Variants in IKBKE observed in about 807,000 individuals in gnomAD.
The protein encoded by IKBKE is inhibitor of nuclear factor kappa B kinase subunit epsilon, also known as inhibitor of nuclear factor kappa-B kinase subunit epsilon.
A neutral mutation model predicts 92.1 loss-of-function variants in IKBKE; 45 were observed. That is an observed-to-expected ratio of 0.49 (90% CI 0.38 to 0.63). The LOEUF is 0.63. Ranked by LOEUF, IKBKE falls within the 20% of genes least tolerant of loss-of-function variation. The pLI, the probability that IKBKE is intolerant of heterozygous loss-of-function variation, is 0.00. For missense variants in IKBKE, 700 were observed against 932.8 expected, an observed-to-expected ratio of 0.75 and a Z score of 3.25; for synonymous variants, 374 against 380.3, an observed-to-expected ratio of 0.98 and a Z score of 0.19.
intron 4 of IKBKE, 105 bp downstream of exon 4, chr1:206,474,576 G>T: frequency 1.6e-6 from 2 of 1,247,052 alleles, no homozygotes; most frequent in Non-Finnish European, 2.2e-6. Flanking sequence ...CTCATCAGCA[G>T]GTCAGAGACA....
chr1:206,478,097 C>A lies in IKBKE; in HGVS notation c.813-63C>A. ...ATATTCTCTTAGAACGCTCCTATTG[C>A]CTGCTTAAGGAGGATAGGTCTGGGC... On this transcript the variant is annotated intron_variant, in intron 8 of 21. Coordinates refer to ENST00000581977, the MANE Select transcript of IKBKE (RefSeq NM_014002.4). The surrounding 1 kb of genome is among the most constrained non-coding windows in gnomAD (Gnocchi z 4.8). The A allele has an allele frequency of 7.1e-7, 1 of 1,414,568 alleles. No individual in the cohort carries two copies. Among genetic ancestry groups the A allele is most frequent in the Non-Finnish European group, 9.8e-7 (1 of 1,020,872 alleles). 87.6% of individuals were successfully genotyped at this position (1,414,568 alleles called of 1,614,324 possible).
intron 13 of IKBKE, among the ~76,000 whole-genome samples, chr1:206,484,214 C>T (rs1440759867): frequency 1.3e-5 from 2 of 151,962 alleles, no homozygotes; most frequent in Non-Finnish European, 2.9e-5. Context: ...TGATCTCAAA[C>T]TCCTGGTATC....
At chr1:206,472,711 G>A (rs1198624304) in intron 2 of IKBKE, 2 of 197,932 alleles carry the variant, frequency 1.0e-5, no homozygotes, top group African/African-American at 4.8e-5. Context: ...GCGGGGGCTG[G>A]GGGAGTGGCT....
chr1:206,479,145 C>T lies in IKBKE; in HGVS notation c.1183+12C>T, dbSNP rs551560929. On this transcript the variant is annotated intron_variant, in intron 10 of 21. Transcript: ENST00000581977. The stretch of plus-strand genomic sequence containing the variant: ...GGCCTTCAGGGACCGTGAGTAGAGC[C>T]ACCTGGGCTGGATCTTTCTCCTCCC... 9.6e-6 allele frequency: 15 copies of T among 1,566,796 alleles called. No homozygotes were observed. Among genetic ancestry groups the T allele is most frequent in the Non-Finnish European group, 1.3e-5 (15 of 1,156,420 alleles).
chr1:206,492,144 T>C, intron 18 of IKBKE: 1 of 315,144 alleles, frequency 3.2e-6, no homozygotes, highest in East Asian at 8.6e-5. Context: ...CTGGATTCTT[T>C]CTACCGTTCC....
chr1:206,492,663 G>A (rs1040564959), intron 18 of IKBKE: 2 of 499,016 alleles, frequency 4.0e-6, no homozygotes, highest in Admixed American at 2.3e-5. Context: ...AAATGAGAGC[G>A]TGGGCAGTTC....
chr1:206,472,587 T>TCTCACACA (rs139299684), intron 2 of IKBKE, among the ~76,000 whole-genome samples: 19 of 150,094 alleles, frequency 1.3e-4, no homozygotes, highest in African/African-American at 4.2e-4. Flanking sequence ...ACACACACTC[T>TCTCACACA]CACACACACA....
At chr1:206,475,383 T>C (rs1410199058) in intron 5 of IKBKE, among the ~76,000 whole-genome samples, 1 of 152,164 alleles carries the variant, frequency 6.6e-6, no homozygotes, top group Non-Finnish European at 1.5e-5. Flanking sequence ...ACCATGGTGG[T>C]TTCCAGTGGC....
rs1664944102 is a variant in IKBKE at position 206,474,410 on chromosome 1, T to C, written c.167T>C (p.Phe56Ser). The C allele has an allele frequency of 6.2e-7, 1 of 1,614,100 alleles. No individual in the cohort carries two copies. Among genetic ancestry groups the C allele is most frequent in the South Asian group, 1.1e-5 (1 of 91,082 alleles). ...CCCCGCGAGGTGCAGGTGAGGGAGTTTGAGGTCCTGCGGAAGCTGAACCAC... is the reference window on the plus strand; with the variant it reads ...CCCCGCGAGGTGCAGGTGAGGGAGTCTGAGGTCCTGCGGAAGCTGAACCAC... ...LRPREVQVRE[F>S]EVLRKLNHQN... is the part of the protein sequence containing the mutation. The change falls in exon 4 of 22, where the codon TTT becomes TCT. Residue 56 changes from phenylalanine (F) to serine (S), a missense_variant. Physicochemically the swap from Phe to Ser is radical, Grantham distance 155. Transcript: ENST00000581977.
Position 206,474,220 on chromosome 1 carries a change from G to A in IKBKE, c.88-111G>A. 1.0e-5 allele frequency: 11 copies of A among 1,057,912 alleles called. 1 individual carries two copies. The South Asian group carries it at 1.5e-4, about 15-fold the overall frequency. 65.5% of individuals were successfully genotyped at this position (1,057,912 alleles called of 1,614,324 possible). ...CCAACCAGGCTAATCTCTGGGGTTG[G>A]GCTGGCCGGAGAGGCTGAATGGAGG... On this transcript the variant is annotated intron_variant, in intron 3 of 21. Coordinates refer to ENST00000581977, the MANE Select transcript of IKBKE (RefSeq NM_014002.4).
At chr1:206,488,646 G>A (rs1213987249) in intron 16 of IKBKE, among the ~76,000 whole-genome samples, 3 of 152,142 alleles carry the variant, frequency 2.0e-5, no homozygotes, top group Non-Finnish European at 4.4e-5. Flanking sequence ...CTCAGGTTGG[G>A]GAACTAACAC....
chr1:206,483,415 C>T (rs752099418), intron 13 of IKBKE, among the ~76,000 whole-genome samples: 51 of 152,330 alleles, frequency 3.3e-4, no homozygotes, highest in Non-Finnish European at 6.0e-4. Flanking sequence ...CACTCAGTAA[C>T]GCCTTCAGCA....
chr1:206,484,404 G>A (rs1553388023), intron 13 of IKBKE, among the ~76,000 whole-genome samples: 1 of 152,170 alleles, frequency 6.6e-6, no homozygotes, highest in African/African-American at 2.4e-5. Context: ...GTGATGGCCT[G>A]ATTCCTCTGC....
chr1:206,476,873 C>T lies in IKBKE; in HGVS notation c.701+35C>T. On this transcript the variant is annotated intron_variant, in intron 7 of 21. Transcript: ENST00000581977. This position sits in a 1 kb window ranked among gnomAD's most constrained non-coding sequence, Gnocchi z 5.1. Reference sequence around the variant, plus strand: ...GCCACAGGGCAGGGAATGGGGCGGACTGGCAGTCCCCTGGCCCTTCCCCCA... The same window carrying T: ...GCCACAGGGCAGGGAATGGGGCGGATTGGCAGTCCCCTGGCCCTTCCCCCA... The T allele has an allele frequency of 1.2e-6, 2 of 1,611,230 alleles. No homozygotes were observed. The highest frequency in any genetic ancestry group is 1.7e-6 in the Non-Finnish European group (2 of 1,177,750).
chr1:206,485,998 G>A lies in IKBKE; in HGVS notation c.1616+692G>A, dbSNP rs1665637844. ...TCTGCTGGTGCCTACTGTAATCTGGGCCTATCCCCATCCATCATCCCATGG... is the reference window on the plus strand; with the variant it reads ...TCTGCTGGTGCCTACTGTAATCTGGACCTATCCCCATCCATCATCCCATGG... On this transcript the variant is annotated intron_variant, in intron 15 of 21. Transcript: ENST00000581977. This position sits in a 1 kb window ranked among gnomAD's most constrained non-coding sequence, Gnocchi z 5.0. Among the ~76,000 whole-genome samples, 1 of 152,200 alleles carries A rather than the reference G, an allele frequency of 6.6e-6. No homozygotes were observed. The highest frequency in any genetic ancestry group is 6.5e-5 in the Admixed American group (1 of 15,278).
In IKBKE at chr1:206,479,134, G is replaced by A. The variant is rs781999092; in HGVS notation, c.1183+1G>A. ...CCTAAGGGGCTGGCCTTCAGGGACCGTGAGTAGAGCCACCTGGGCTGGATC... is the reference window on the plus strand; with the variant it reads ...CCTAAGGGGCTGGCCTTCAGGGACCATGAGTAGAGCCACCTGGGCTGGATC... On this transcript the variant is annotated splice_donor_variant, in intron 10 of 21. Coordinates refer to ENST00000581977, the MANE Select transcript of IKBKE (RefSeq NM_014002.4). LOFTEE classifies it high-confidence loss of function. 12 of 1,589,086 alleles carry A rather than the reference G, an allele frequency of 7.6e-6. No individual in the cohort carries two copies. Among genetic ancestry groups the A allele is most frequent in the African/African-American group, 4.0e-5 (3 of 74,502 alleles).
chr1:206,473,075 G>C, intron 2 of IKBKE, 121 bp from the exon 3 acceptor site: 1 of 670,998 alleles, frequency 1.5e-6, no homozygotes, highest in South Asian at 1.7e-5. Flanking sequence ...TCCCTTGCTT[G>C]TGGAATGGCC....
At chr1:206,491,111 T>C (rs187492594) in intron 17 of IKBKE, 10 of 569,810 alleles carry the variant, frequency 1.8e-5, no homozygotes, top group Admixed American at 6.1e-5. Flanking sequence ...GCAGGCTTTT[T>C]TTTTCTCTAG....
At chr1:206,479,638 A>AT (rs782723634) in intron 10 of IKBKE, among the ~76,000 whole-genome samples, 3 of 152,170 alleles carry the variant, frequency 2.0e-5, no homozygotes, top group Non-Finnish European at 4.4e-5. Flanking sequence ...GATTTAGTCC[A>AT]TTTTCAGCTC....
Sources: gnomAD v4.1 joint callset for allele counts (sites outside exome capture counted in the v4.1 genomes callset) on GRCh38, gnomAD v4.1.1 for gene constraint, Gnocchi (gnomAD v3.1) non-coding constraint, MANE v1.5 for transcripts, NCBI Gene and HGNC (gene_info 2026-07-23, HGNC 2026-07-21) for gene names.